The following GRM8 variants were observed in gnomAD, a reference collection of about 807,000 sequenced individuals.
GRM8 encodes the protein glutamate metabotropic receptor 8, also known as metabotropic glutamate receptor 8.
Under a neutral mutation model 87.2 loss-of-function variants are expected in GRM8, and 47 were observed. The observed-to-expected ratio is 0.54, with a 90% CI of 0.43 to 0.69. The LOEUF (loss-of-function observed/expected upper bound fraction) is 0.69. Among genes scored for constraint, GRM8 ranks in the 30% least tolerant of loss-of-function variants. GRM8 has a pLI of 0.00. For synonymous variants in GRM8, 396 were observed against 404.5 expected (o/e 0.98, Z 0.25); for missense variants, 1,019 against 1,139.2 (o/e 0.89, Z 1.52).
intron 2 of GRM8, among the ~76,000 whole-genome samples, chr7:127,144,097 A>G (rs1828423081): frequency 6.6e-6 from 1 of 152,152 alleles, no homozygotes; most frequent in Admixed American, 6.6e-5. Context: ...GGGAATAATG[A>G]TAGCAGATAC....
intron 9 of GRM8, among the ~76,000 whole-genome samples, chr7:126,516,564 GC>G (rs1812195036): frequency 6.6e-6 from 1 of 152,034 alleles, no homozygotes; most frequent in South Asian, 2.1e-4. Context: ...ATTAAACTAA[GC>G]AAGCATCTAT....
chr7:126,963,314 C>T (rs973348071), intron 3 of GRM8, among the ~76,000 whole-genome samples: 1 of 152,090 alleles, frequency 6.6e-6, no homozygotes, highest in Non-Finnish European at 1.5e-5. Context: ...TATTTCTTTT[C>T]TTAGCCCAGT....
chr7:126,830,576 G>C (rs571089510), intron 6 of GRM8, among the ~76,000 whole-genome samples: 2 of 152,234 alleles, frequency 1.3e-5, no homozygotes, highest in Non-Finnish European at 1.5e-5. Flanking sequence ...GCACTTCTCT[G>C]TATTGGTTAT....
At chr7:127,120,685 T>C (rs1343249347) in intron 2 of GRM8, among the ~76,000 whole-genome samples, 3 of 152,256 alleles carry the variant, frequency 2.0e-5, no homozygotes, top group Non-Finnish European at 4.4e-5. Context: ...GCAAAGATTA[T>C]TTTTGTAGCT....
At chr7:126,894,551 A>G (rs900463713) in intron 6 of GRM8, among the ~76,000 whole-genome samples, 44 of 152,038 alleles carry the variant, frequency 2.9e-4, no homozygotes, top group Admixed American at 2.8e-3. Flanking sequence ...TACGTACTCG[A>G]AATTTTAACT....
At chr7:126,845,643 A>T (rs1796650301) in intron 6 of GRM8, among the ~76,000 whole-genome samples, 1 of 152,252 alleles carries the variant, frequency 6.6e-6, no homozygotes, top group African/African-American at 2.4e-5. Flanking sequence ...TCAAAAAAGC[A>T]TATATTTAAA....
chr7:126,454,314 A>G lies in GRM8; in HGVS notation c.2431-7942T>C, dbSNP rs923930781. On this transcript the variant is annotated intron_variant, in intron 9 of 10. Transcript: ENST00000339582. ...CTAGAATTTAAATTTTAGGCTAAATAATAAATTCAGGTTGTGTTATCTAAG... is the reference window on the plus strand; with the variant it reads ...CTAGAATTTAAATTTTAGGCTAAATGATAAATTCAGGTTGTGTTATCTAAG... 2.0e-5 allele frequency among the ~76,000 whole-genome samples: 3 copies of G among 151,792 alleles called. No individual in the cohort carries two copies. In the East Asian group the frequency reaches 5.8e-4, roughly 30 times the overall value.
At chr7:126,644,536 T>C (rs1168313256) in intron 7 of GRM8, among the ~76,000 whole-genome samples, 1 of 152,220 alleles carries the variant, frequency 6.6e-6, no homozygotes, top group Admixed American at 6.5e-5. Flanking sequence ...CAAAATCTCA[T>C]GAAAACATTG....
chr7:126,511,361 T>C (rs1410346799), intron 9 of GRM8: 4 of 152,128 alleles, frequency 2.6e-5, no homozygotes, highest in African/African-American at 9.7e-5. Flanking sequence ...TTAATTTGAA[T>C]TATATCATCT....
chr7:126,549,961 A>C (rs987868921), intron 8 of GRM8, among the ~76,000 whole-genome samples: 5 of 152,202 alleles, frequency 3.3e-5, no homozygotes, highest in Non-Finnish European at 5.9e-5. Context: ...GAATATAATA[A>C]GAATAATCTA....
intron 3 of GRM8, among the ~76,000 whole-genome samples, chr7:127,007,813 C>T (rs1814465638): frequency 6.6e-6 from 1 of 151,942 alleles, no homozygotes; most frequent in Non-Finnish European, 1.5e-5. Context: ...GTCAGAGATG[C>T]CCCAATCTAG....
At chr7:126,884,120 G>T (rs1800265543) in intron 6 of GRM8, among the ~76,000 whole-genome samples, 1 of 151,952 alleles carries the variant, frequency 6.6e-6, no homozygotes, top group South Asian at 2.1e-4. Context: ...ATCCTCATGA[G>T]CACTGGTTAA....
chr7:127,032,107 C>T (rs776618154), intron 3 of GRM8, among the ~76,000 whole-genome samples: 62 of 152,132 alleles, frequency 4.1e-4, no homozygotes, highest in Non-Finnish European at 8.1e-4. Context: ...ACCATCATGT[C>T]CAAGTGGTGA....
chr7:127,012,936 C>T (rs2132122698), intron 3 of GRM8, among the ~76,000 whole-genome samples: 1 of 152,184 alleles, frequency 6.6e-6, no homozygotes, highest in African/African-American at 2.4e-5. Context: ...TTCTTGCAGC[C>T]AGAAGGGGAA....
chr7:126,583,150 G>A (rs903548991), intron 8 of GRM8, among the ~76,000 whole-genome samples: 1 of 152,250 alleles, frequency 6.6e-6, no homozygotes, highest in African/African-American at 2.4e-5. Context: ...GAGGTCAGGA[G>A]TTTGAGACCA....
At chr7:127,180,228 G>A (rs866024403) in intron 2 of GRM8, among the ~76,000 whole-genome samples, 7 of 152,002 alleles carry the variant, frequency 4.6e-5, no homozygotes, top group East Asian at 1.9e-4. Context: ...ACGCATTTAC[G>A]CACATAGCTA....
intron 2 of GRM8, among the ~76,000 whole-genome samples, chr7:127,190,658 G>A (rs1220470347): frequency 6.6e-6 from 1 of 152,014 alleles, no homozygotes; most frequent in Non-Finnish European, 1.5e-5. Flanking sequence ...TCTACCCCAG[G>A]TATATTTACA....
At chr7:126,525,137 T>C (rs769992302) in intron 9 of GRM8, among the ~76,000 whole-genome samples, 3 of 152,190 alleles carry the variant, frequency 2.0e-5, no homozygotes, top group Non-Finnish European at 4.4e-5. Context: ...TTTTCTTTGT[T>C]TGAGAGGGCT....
intron 9 of GRM8, among the ~76,000 whole-genome samples, chr7:126,501,096 T>C (rs960371589): frequency 5.9e-5 from 9 of 152,062 alleles, no homozygotes; most frequent in African/African-American, 1.7e-4. Context: ...ACTCATATCA[T>C]GTATTTTATG....
Sources: gnomAD v4.1 joint callset for allele counts (sites outside exome capture counted in the v4.1 genomes callset) on GRCh38, gnomAD v4.1.1 for gene constraint, MANE v1.5 for transcripts, NCBI Gene and HGNC (gene_info 2026-07-23, HGNC 2026-07-21) for gene names.